EPB41L1: variants seen among roughly 807,000 people sequenced by gnomAD.
The protein encoded by EPB41L1 is band 4.1-like protein 1.
EPB41L1 carries 29 observed loss-of-function variants against 97.8 expected under a neutral mutation model. The observed-to-expected ratio is 0.30, with a 90% CI of 0.22 to 0.40. The LOEUF is 0.40. Among genes scored for constraint, EPB41L1 ranks in the 10% least tolerant of loss-of-function variants. EPB41L1 has a pLI of 1.00. For synonymous variants in EPB41L1, 383 were observed against 459.2 expected, an observed-to-expected ratio of 0.83 and a Z score of 2.12; for missense variants, 812 against 1,162.3, an observed-to-expected ratio of 0.70 and a Z score of 4.38.
chr20:36,121,072 A>G lies in EPB41L1; in HGVS notation c.-10+8592A>G, dbSNP rs555826644. On this transcript the variant is annotated intron_variant, in intron 2 of 19. Transcript: ENST00000202028. ...AATGTGAACGCATTACCTGTCTGAC[A>G]TGAAAAAAAAAAAAAAGAGAGCGAT... Among the ~76,000 whole-genome samples, 8 of 71,706 alleles carry G rather than the reference A, an allele frequency of 1.1e-4. No individual in the cohort carries two copies. In the Admixed American group the frequency reaches 1.3e-3, roughly 12 times the overall value. 47.0% of individuals were successfully genotyped at this position (71,706 alleles called of 152,430 possible).
At chr20:36,213,528 A>T (rs2063262801) in intron 16 of EPB41L1, among the ~76,000 whole-genome samples, 1 of 151,864 alleles carries the variant, frequency 6.6e-6, no homozygotes, top group Non-Finnish European at 1.5e-5. Flanking sequence ...ACAGGTCAGG[A>T]CTCTTGAGTT....
rs2061918054 is a variant in EPB41L1, at chr20:36,190,875, G to A, written c.1300+78G>A. 6.4e-7 allele frequency: 1 copy of A among 1,563,128 alleles called. No individual in the cohort carries two copies. The highest frequency in any genetic ancestry group is 1.7e-4 in the Middle Eastern group (1 of 5,998). ...GGGAGTGGGCATGCTGGGTTCTGCAGAATGAGCAGGAAAATGGTAGATGCA... is the reference window on the plus strand; with the variant it reads ...GGGAGTGGGCATGCTGGGTTCTGCAAAATGAGCAGGAAAATGGTAGATGCA... On this transcript the variant is annotated intron_variant, in intron 11 of 21. Transcript: ENST00000338074. The surrounding 1 kb of genome is among the most constrained non-coding windows in gnomAD (Gnocchi z 5.8).
chr20:36,153,059 A>G (rs1408532561), upstream of EPB41L1: 1 of 456,560 alleles, frequency 2.2e-6, no homozygotes, highest in African/African-American at 2.0e-5. Flanking sequence ...GGGGGAGTGA[A>G]GGCACCGGAA....
intron 1 of EPB41L1, among the ~76,000 whole-genome samples, chr20:36,109,043 A>G (rs1006004668): frequency 2.0e-5 from 3 of 150,956 alleles, no homozygotes; most frequent in Non-Finnish European, 4.4e-5. Flanking sequence ...TCCTGGATTC[A>G]CACCACTCTC....
chr20:36,196,122 G>C (rs2062189434), intron 13 of EPB41L1, among the ~76,000 whole-genome samples: 1 of 152,172 alleles, frequency 6.6e-6, no homozygotes, highest in South Asian at 2.1e-4. Context: ...TTCTTGGGCT[G>C]CCAAGGTAAA....
At chr20:36,137,532 T>G (rs753797043) in intron 2 of EPB41L1, among the ~76,000 whole-genome samples, 1 of 151,962 alleles carries the variant, frequency 6.6e-6, no homozygotes, top group Non-Finnish European at 1.5e-5. Context: ...GAATACTTTT[T>G]TTATGTTTTG....
intron 3 of EPB41L1, among the ~76,000 whole-genome samples, chr20:36,176,324 A>T (rs539734563): frequency 2.6e-5 from 4 of 152,166 alleles, no homozygotes; most frequent in Non-Finnish European, 5.9e-5. Context: ...CTGGCCTCAC[A>T]TTTAGGTCTC....
chr20:36,136,338 GTTTTTTTTT>G (rs60257818), intron 2 of EPB41L1, among the ~76,000 whole-genome samples: 2 of 113,978 alleles, frequency 1.8e-5, no homozygotes, highest in African/African-American at 3.3e-5. Flanking sequence ...GCCCGGCTAA[GTTTTTTTTT>G]TTTTTTTTTT....
At chr20:36,115,810 T>G (rs145219416) in intron 2 of EPB41L1, among the ~76,000 whole-genome samples, 1 of 152,276 alleles carries the variant, frequency 6.6e-6, no homozygotes, top group Non-Finnish European at 1.5e-5. Context: ...GAGAATTGCT[T>G]GAACTCGGGA....
At chr20:36,118,235 C>T (rs568644555) in intron 2 of EPB41L1, among the ~76,000 whole-genome samples, 2 of 152,196 alleles carry the variant, frequency 1.3e-5, no homozygotes, top group East Asian at 3.9e-4. Flanking sequence ...GCCTATAATC[C>T]CAGCTACTTG....
intron 2 of EPB41L1, among the ~76,000 whole-genome samples, chr20:36,138,619 T>C (rs1464803619): frequency 6.6e-6 from 1 of 152,224 alleles, no homozygotes; most frequent in Non-Finnish European, 1.5e-5. Context: ...GGAACTGGGT[T>C]AATGATTTGA....
At chr20:36,163,018 A>AT (rs1489250508) in intron 1 of EPB41L1, among the ~76,000 whole-genome samples, 1 of 152,138 alleles carries the variant, frequency 6.6e-6, no homozygotes, top group Non-Finnish European at 1.5e-5. Context: ...CCATGTAGAC[A>AT]TTATCACTCA....
At position 36,159,152 on chromosome 20, in the gene EPB41L1, T is replaced by C. The variant is rs115989697; in HGVS notation, c.-15+4256T>C. 1.0e-2 allele frequency among the ~76,000 whole-genome samples: 1,517 copies of C among 152,314 alleles called. 25 individuals carry two copies. The highest frequency in any genetic ancestry group is 0.035 in the African/African-American group (1,448 of 41,562). ...GGTAAGGCCACAGGGTCAGGAATTC[T>C]GTTTCAGGCCTGGTGAGTTTGAGAA... On this transcript the variant is annotated intron_variant, in intron 1 of 21. Coordinates refer to ENST00000338074, the MANE Select transcript of EPB41L1 (RefSeq NM_012156.2).
At position 36,092,719 on chromosome 20, in the gene EPB41L1, CG is replaced by C. The variant is rs1163259503; in HGVS notation, c.-65+1108del. On this transcript the variant is annotated intron_variant, in intron 1 of 19. Coordinates refer to the EPB41L1 transcript ENST00000202028. This position sits in a 1 kb window ranked among gnomAD's most constrained non-coding sequence, Gnocchi z 7.0. Reference sequence around the variant, plus strand: ...CGCGCGAGAGAGCGGGGCATTTCTGCGCAGCTCTAGCGCGCCTCGGAGCCCG... The same window carrying C: ...CGCGCGAGAGAGCGGGGCATTTCTGCCAGCTCTAGCGCGCCTCGGAGCCCG... 1.3e-5 allele frequency: 2 copies of C among 152,018 alleles called. No homozygotes were observed. Among genetic ancestry groups the C allele is most frequent in the African/African-American group, 2.4e-5 (1 of 41,362 alleles). The allele number at this position is 152,018 out of a possible 1,614,324, so 9.4% of individuals were successfully genotyped here. A position where few individuals can be genotyped will look rare whatever the true frequency, so the allele number is the denominator to read the frequency against.
intron 2 of EPB41L1, among the ~76,000 whole-genome samples, chr20:36,138,262 C>CTTTT (rs34787525): frequency 7.6e-6 from 1 of 131,828 alleles, no homozygotes; most frequent in Non-Finnish European, 1.6e-5. Context: ...ATGGTTAGCA[C>CTTTT]TTTTTTTTTT....
At chr20:36,154,004 G>A (rs1028520506), upstream of EPB41L1, among the ~76,000 whole-genome samples, 8 of 152,116 alleles carry the variant, frequency 5.3e-5, no homozygotes, top group Non-Finnish European at 7.4e-5. The surrounding 1 kb of genome is among the most constrained non-coding windows in gnomAD (Gnocchi z 5.5). Context: ...CAGCAAGTGC[G>A]CCTGTACACA....
chr20:36,167,973 C>A (rs771733435), intron 1 of EPB41L1, among the ~76,000 whole-genome samples: 1 of 152,088 alleles, frequency 6.6e-6, no homozygotes, highest in African/African-American at 2.4e-5. Flanking sequence ...CTCATGCTAA[C>A]CCTGGTTAGA....
rs915694675 is a variant in EPB41L1, at chr20:36,205,950, C to A, written c.1669-3538C>A. 3.1e-6 allele frequency: 4 copies of A among 1,289,746 alleles called. No individual in the cohort carries two copies. The African/African-American group carries it at 4.6e-5, about 15-fold the overall frequency. The allele number at this position is 1,289,746 out of a possible 1,614,324, so 79.9% of individuals were successfully genotyped here. A position where few individuals can be genotyped will look rare whatever the true frequency, so the allele number is the denominator to read the frequency against. On this transcript the variant is annotated intron_variant, in intron 14 of 21. Coordinates refer to ENST00000338074, the MANE Select transcript of EPB41L1 (RefSeq NM_012156.2). ...TGCAGCAGGAAGAAAGGCAGGCAGG[C>A]CTTGCTGGTATCCTTGCCAACGGCA... is the stretch of plus-strand genomic sequence containing the variant.
intron 14 of EPB41L1, chr20:36,205,881 G>A (rs1600948202): frequency 7.8e-7 from 1 of 1,289,794 alleles, no homozygotes; most frequent in South Asian, 1.2e-5. Context: ...TAGAAAGAGA[G>A]TACACTAGGC....
Sources: gnomAD v4.1 joint callset for allele counts (sites outside exome capture counted in the v4.1 genomes callset) on GRCh38, gnomAD v4.1.1 for gene constraint, Gnocchi (gnomAD v3.1) non-coding constraint, MANE v1.5 for transcripts, NCBI Gene and HGNC (gene_info 2026-07-23, HGNC 2026-07-21) for gene names.